Variants in PDS5B observed in about 807,000 individuals in gnomAD.
PDS5B encodes the protein sister chromatid cohesion protein PDS5 homolog B.
PDS5B carries 51 observed loss-of-function variants against 184.1 expected under a neutral mutation model. The observed-to-expected ratio is 0.28, with a 90% CI of 0.22 to 0.35. PDS5B has a LOEUF of 0.35. Among genes scored for constraint, PDS5B ranks in the 10% least tolerant of loss-of-function variants. The pLI is 1.00. For synonymous variants in PDS5B, 566 were observed against 569.2 expected, an observed-to-expected ratio of 0.99 and a Z score of 0.08; for missense variants, 1,180 against 1,723.3, an observed-to-expected ratio of 0.68 and a Z score of 5.58.
intron 17 of PDS5B, among the ~76,000 whole-genome samples, chr13:32,703,282 A>G (rs988193467): frequency 1.3e-5 from 2 of 152,206 alleles, no homozygotes; most frequent in African/African-American, 4.8e-5. Context: ...GAAATTGTAG[A>G]AATGTAAGAA....
At chr13:32,613,173 G>T (rs572989023) in intron 1 of PDS5B, among the ~76,000 whole-genome samples, 52 of 152,188 alleles carry the variant, frequency 3.4e-4, no homozygotes, top group African/African-American at 1.2e-3. Flanking sequence ...CCATTTTTCA[G>T]CTATTATAAA....
In PDS5B at chr13:32,746,114, T is replaced by C. The variant is rs1438343386; in HGVS notation, c.2736+14T>C. On this transcript the variant is annotated intron_variant, in intron 24 of 34. Coordinates refer to ENST00000315596, the MANE Select transcript of PDS5B (RefSeq NM_015032.4). ...TTAGCTATCAACGTAAGGAAATGGC[T>C]GTGTACAACTACTTTTTGAAGGTCT... is the stretch of plus-strand genomic sequence containing the variant. 2 of 1,605,130 alleles carry C rather than the reference T, an allele frequency of 1.2e-6. No individual in the cohort carries two copies. Among genetic ancestry groups the C allele is most frequent in the Non-Finnish European group, 1.7e-6 (2 of 1,174,414 alleles).
At chr13:32,708,362 A>G (rs1323593881) in intron 18 of PDS5B, among the ~76,000 whole-genome samples, 1 of 152,212 alleles carries the variant, frequency 6.6e-6, no homozygotes, top group Non-Finnish European at 1.5e-5. Context: ...CTGTATCACT[A>G]GTATTTTCCT....
chr13:32,744,036 T>C (rs1234696397), intron 23 of PDS5B, among the ~76,000 whole-genome samples: 4 of 152,150 alleles, frequency 2.6e-5, no homozygotes, highest in Admixed American at 1.3e-4. Context: ...ATATAAACTT[T>C]CATCAGAGAG....
chr13:32,587,309 G>A (rs994434379), intron 1 of PDS5B, among the ~76,000 whole-genome samples: 2 of 152,204 alleles, frequency 1.3e-5, no homozygotes, highest in African/African-American at 4.8e-5. Flanking sequence ...TGGTCCCCGA[G>A]CAGCCAGTTG....
At position 32,634,202 on chromosome 13, in the gene PDS5B, T is replaced by A. The variant is rs139895595; in HGVS notation, c.-19-14552T>A. Among the ~76,000 whole-genome samples the A allele has an allele frequency of 4.1e-3, 629 of 152,310 alleles. 6 individuals are homozygous for A. The highest frequency in any genetic ancestry group is 0.014 in the African/African-American group (586 of 41,574). ...ATACAAATCTCATTTCTCTTTAAAT[T>A]TCTTAGAAAAGAAAGAAAAAAAATG... On this transcript the variant is annotated intron_variant, in intron 1 of 34. Coordinates refer to ENST00000315596, the MANE Select transcript of PDS5B (RefSeq NM_015032.4).
chr13:32,592,714 A>G (rs2057796319), intron 1 of PDS5B, among the ~76,000 whole-genome samples: 1 of 152,188 alleles, frequency 6.6e-6, no homozygotes, highest in Admixed American at 6.5e-5. Flanking sequence ...AGACTTGAAC[A>G]TAGGAGCATA....
At chr13:32,660,271 C>T (rs970348027) in intron 6 of PDS5B, among the ~76,000 whole-genome samples, 3 of 152,192 alleles carry the variant, frequency 2.0e-5, no homozygotes, top group Non-Finnish European at 2.9e-5. Context: ...CCATCGTCTC[C>T]TTCACCTTGG....
intron 5 of PDS5B, among the ~76,000 whole-genome samples, 153 bp downstream of exon 5, chr13:32,658,684 T>G (rs1164942480): frequency 1.3e-5 from 2 of 152,174 alleles, no homozygotes; most frequent in Non-Finnish European, 2.9e-5. Context: ...CAAAAATGAA[T>G]AGAGCTTAAT....
intron 1 of PDS5B, among the ~76,000 whole-genome samples, chr13:32,641,933 T>C (rs1271756974): frequency 2.0e-5 from 3 of 151,934 alleles, no homozygotes; most frequent in Admixed American, 2.0e-4. Context: ...GCAGAGCTCT[T>C]TCTTGTACAT....
At chr13:32,627,420 T>C (rs967730544) in intron 1 of PDS5B, among the ~76,000 whole-genome samples, 25 of 152,362 alleles carry the variant, frequency 1.6e-4, no homozygotes, top group Non-Finnish European at 3.1e-4. Context: ...GTATATACTT[T>C]ATAATTTATT....
intron 1 of PDS5B, among the ~76,000 whole-genome samples, chr13:32,601,234 A>G (rs2140483213): frequency 6.6e-6 from 1 of 152,194 alleles, no homozygotes; most frequent in South Asian, 2.1e-4. Context: ...AGGGTTTATA[A>G]TTGCTATTTG....
chr13:32,674,931 TTTTG>T (rs892773667), intron 8 of PDS5B, among the ~76,000 whole-genome samples: 3 of 151,876 alleles, frequency 2.0e-5, no homozygotes, highest in African/African-American at 4.8e-5. Context: ...GTTTTTTTTT[TTTTG>T]TTCTTCTTAT....
chr13:32,736,574 T>C (rs748177125), intron 21 of PDS5B, among the ~76,000 whole-genome samples: 6 of 152,170 alleles, frequency 3.9e-5, no homozygotes, highest in African/African-American at 2.4e-5. Flanking sequence ...TTTACTATGA[T>C]GTGTCTGGGT....
intron 15 of PDS5B, 66 bp downstream of exon 15, chr13:32,696,968 G>A (rs955781134): frequency 4.1e-6 from 4 of 976,452 alleles, no homozygotes; most frequent in Non-Finnish European, 3.1e-6. Context: ...AATTTTAAGT[G>A]TTTCATGCAG....
chr13:32,714,679 T>G (rs948991341), intron 19 of PDS5B, among the ~76,000 whole-genome samples: 2 of 152,188 alleles, frequency 1.3e-5, no homozygotes, highest in Non-Finnish European at 2.9e-5. Flanking sequence ...GAAATACGGC[T>G]CTGTTATGCC....
In PDS5B at chr13:32,777,751, T is replaced by C. The variant is rs974764232; in HGVS notation, c.*2699T>C. 8 of 152,398 alleles carry C rather than the reference T, an allele frequency of 5.2e-5. No individual in the cohort carries two copies. Among genetic ancestry groups the C allele is most frequent in the Non-Finnish European group, 1.2e-4 (8 of 67,842 alleles). The allele number at this position is 152,398 out of a possible 1,614,324, so 9.4% of individuals were successfully genotyped here. A position where few individuals can be genotyped will look rare whatever the true frequency, so the allele number is the denominator to read the frequency against. ...TTTTCAGTGATCTTCACTGTATATG[T>C]AAATTACAAATGTGGCTGTAAAACT... On this transcript the variant is annotated 3_prime_UTR_variant, in exon 35 of 35. Coordinates refer to ENST00000315596, the MANE Select transcript of PDS5B (RefSeq NM_015032.4).
At chr13:32,654,723 C>A (rs1042323553) in intron 3 of PDS5B, among the ~76,000 whole-genome samples, 13 of 152,134 alleles carry the variant, frequency 8.5e-5, no homozygotes, top group African/African-American at 2.9e-4. Context: ...TGTCTGTTCT[C>A]TTCTTTGTGT....
chr13:32,688,366 T>C (rs1298829759), intron 12 of PDS5B, 90 bp from the exon 13 acceptor site: 2 of 631,300 alleles, frequency 3.2e-6, no homozygotes, highest in Non-Finnish European at 5.6e-6. Context: ...ACTTCTTTAA[T>C]ATATGTTCTT....
Sources: allele counts gnomAD v4.1 joint callset (sites outside exome capture counted in the v4.1 genomes callset), GRCh38; gene constraint gnomAD v4.1.1; transcripts MANE v1.5; gene names NCBI Gene and HGNC (gene_info 2026-07-23, HGNC 2026-07-21).